The following IQSEC1 variants were observed in gnomAD, a reference collection of about 807,000 sequenced individuals.
IQSEC1 encodes the protein IQ motif and Sec7 domain ArfGEF 1.
In IQSEC1, 31 loss-of-function variants were observed where a neutral mutation model predicts 91.0. The ratio of observed to expected loss-of-function variants is 0.34; its 90% CI spans 0.26 to 0.46. IQSEC1 has a LOEUF of 0.46. IQSEC1 is among the 20% of genes least tolerant of loss of function. The probability of loss-of-function intolerance (pLI) is 1.00; values close to 1 mark genes in which losing one functional copy is unlikely to be tolerated. For synonymous variants in IQSEC1, 699 were observed against 662.6 expected (o/e 1.05, Z -0.84); for missense variants, 1,388 against 1,575.6 (o/e 0.88, Z 2.02).
chr3:13,033,516 T>C (rs1340975202), intron 1 of IQSEC1, among the ~76,000 whole-genome samples: 1 of 152,010 alleles, frequency 6.6e-6, no homozygotes, highest in East Asian at 1.9e-4. Context: ...TGCATATATA[T>C]GTATATGTAT....
intron 1 of IQSEC1, among the ~76,000 whole-genome samples, chr3:13,001,171 G>T (rs993761026): frequency 4.0e-5 from 6 of 151,888 alleles, no homozygotes; most frequent in Admixed American, 6.6e-5. Flanking sequence ...ATGTTGGCCA[G>T]GCTGGTCTCG....
chr3:13,115,261 C>A (rs547335015), intron 2 of IQSEC1, among the ~76,000 whole-genome samples: 1 of 152,256 alleles, frequency 6.6e-6, no homozygotes, highest in Admixed American at 6.5e-5. Flanking sequence ...CCCCCGCTTC[C>A]CTCCCCCGTT....
intron 1 of IQSEC1, among the ~76,000 whole-genome samples, chr3:13,048,554 G>A (rs1221856048): frequency 6.6e-6 from 1 of 152,222 alleles, no homozygotes; most frequent in Admixed American, 6.5e-5. Context: ...TGGCCACAGT[G>A]GGGTTTGACA....
At position 12,936,234 on chromosome 3, in the gene IQSEC1, C is replaced by T. The variant is rs765919597; in HGVS notation, c.782G>A (p.Arg261Gln). 22 of 1,613,026 alleles carry T rather than the reference C, an allele frequency of 1.4e-5. No homozygotes were observed. Among genetic ancestry groups the T allele is most frequent in the Non-Finnish European group, 1.8e-5 (21 of 1,180,006 alleles). ...TEEAPALDAA[R>Q]ARDTEPQTAL... ...TGTCTGGGGTTCGGTGTCCCGGGCCCGCGCCGCATCCAGGGCCGGTGCCTC... is the reference window on the plus strand; with the variant it reads ...TGTCTGGGGTTCGGTGTCCCGGGCCTGCGCCGCATCCAGGGCCGGTGCCTC... The change falls in exon 3 of 14, where the codon CGG becomes CAG. Residue 261 changes from arginine to glutamine, a missense_variant. Physicochemically the swap from Arg to Gln is conservative, Grantham distance 43. This residue lies in a region of IQSEC1 where 1,059 missense variants were observed against 1,317.8 expected (regional missense o/e 0.80). Transcript: ENST00000613206.
intron 3 of IQSEC1, among the ~76,000 whole-genome samples, chr3:12,926,940 C>T (rs534192779): frequency 4.6e-5 from 7 of 152,308 alleles, no homozygotes; most frequent in East Asian, 1.9e-4. Context: ...GGAGTGGCCC[C>T]GGTCCCTACC....
At position 12,983,038 on chromosome 3, in the gene IQSEC1, G is replaced by A. The variant is rs186917505; in HGVS notation, c.24-41173C>T. 1.3e-3 allele frequency among the ~76,000 whole-genome samples: 192 copies of A among 152,344 alleles called. 2 individuals are homozygous for A. The highest frequency in any genetic ancestry group is 3.6e-3 in the Admixed American group (55 of 15,302). The stretch of plus-strand genomic sequence containing the variant: ...GTCTGCCCTCTCTGGGTGCTTGTGC[G>A]TGGGATGGAGGGTGAGGAGTGCTAT... On this transcript the variant is annotated intron_variant, in intron 1 of 13. Coordinates refer to ENST00000613206, the MANE Select transcript of IQSEC1 (RefSeq NM_001134382.3). This position sits in a 1 kb window ranked among gnomAD's most constrained non-coding sequence, Gnocchi z 4.3.
At chr3:13,241,204 G>T (rs1030532630) in intron 1 of IQSEC1, among the ~76,000 whole-genome samples, 2 of 152,228 alleles carry the variant, frequency 1.3e-5, no homozygotes, top group African/African-American at 4.8e-5. Flanking sequence ...TTTAGTTCAT[G>T]ACCCTAAAAA....
rs866872756 is a variant in IQSEC1 at position 12,908,685 on chromosome 3, A to G, written c.2579-160T>C. The stretch of plus-strand genomic sequence containing the variant: ...AGAGGGTGTGATGGCCACCCTGGAC[A>G]AAAGAGCAGAAAGGAGATCCCAGGA... On this transcript the variant is annotated intron_variant, in intron 11 of 13. Coordinates refer to ENST00000613206, the MANE Select transcript of IQSEC1 (RefSeq NM_001134382.3). This position sits in a 1 kb window ranked among gnomAD's most constrained non-coding sequence, Gnocchi z 4.9. Among the ~76,000 whole-genome samples, 3 of 152,044 alleles carry G rather than the reference A, an allele frequency of 2.0e-5. No homozygotes were observed. In the South Asian group the frequency reaches 6.2e-4, roughly 32 times the overall value.
intron 1 of IQSEC1, among the ~76,000 whole-genome samples, chr3:12,974,972 A>T (rs1645605530): frequency 6.6e-6 from 1 of 152,236 alleles, no homozygotes; most frequent in Non-Finnish European, 1.5e-5. Flanking sequence ...GCCTGTGGGC[A>T]GCAGGCCCAG....
intron 1 of IQSEC1, among the ~76,000 whole-genome samples, chr3:13,072,040 G>C (rs1190030609): frequency 6.6e-6 from 1 of 152,242 alleles, no homozygotes; most frequent in Admixed American, 6.5e-5. Flanking sequence ...GAGGCCTTGG[G>C]GTAGCCCCCA....
rs1021053513 is a variant in IQSEC1 at position 12,900,329 on chromosome 3, A to G, written c.*654T>C. On this transcript the variant is annotated 3_prime_UTR_variant, in exon 14 of 14. Coordinates refer to ENST00000613206, the MANE Select transcript of IQSEC1 (RefSeq NM_001134382.3). ...GTTCCTAGCATTTAGGGTTTGGTCT[A>G]TTGTCTCACACACCCAGCTAAGGTA... 9.1e-6 allele frequency: 9 copies of G among 984,538 alleles called. No individual in the cohort carries two copies. The highest frequency in any genetic ancestry group is 8.8e-5 in the African/African-American group (5 of 57,116). The allele number at this position is 984,538 out of a possible 1,614,324, so 61.0% of individuals were successfully genotyped here. A position where few individuals can be genotyped will look rare whatever the true frequency, so the allele number is the denominator to read the frequency against.
In IQSEC1 at chr3:12,942,597, C is replaced by T. The variant is rs142119063; in HGVS notation, c.24-732G>A. 2.0e-3 allele frequency among the ~76,000 whole-genome samples: 300 copies of T among 150,842 alleles called. 1 individual carries two copies. Among genetic ancestry groups the T allele is most frequent in the African/African-American group, 7.1e-3 (290 of 40,718 alleles). ...CAGCCTGGGCTACAGAGCAAGACTC[C>T]GTCTCTAAAAAAAAAAAGAAAAGCC... On this transcript the variant is annotated intron_variant, in intron 1 of 13. Transcript: ENST00000613206.
intron 2 of IQSEC1, among the ~76,000 whole-genome samples, chr3:13,115,598 C>T (rs1303312923): frequency 6.6e-6 from 1 of 152,248 alleles, no homozygotes; most frequent in Non-Finnish European, 1.5e-5. Flanking sequence ...CGTTGTCTCA[C>T]TGCAGAGTCA....
upstream of IQSEC1, among the ~76,000 whole-genome samples, chr3:13,077,293 A>C (rs1391852237): frequency 6.6e-6 from 1 of 152,198 alleles, no homozygotes; most frequent in Non-Finnish European, 1.5e-5. Context: ...GAAACAGAAC[A>C]TGACGAATAT....
At chr3:13,226,415 T>G (rs1559281090) in intron 1 of IQSEC1, among the ~76,000 whole-genome samples, 1 of 152,138 alleles carries the variant, frequency 6.6e-6, no homozygotes, top group Admixed American at 6.5e-5. Context: ...ACATACTGTA[T>G]GCCAGGAATT....
At chr3:12,902,621 G>T (rs1694448230) in intron 13 of IQSEC1, 152 bp downstream of exon 13, 6 of 602,606 alleles carry the variant, frequency 1.0e-5, no homozygotes, top group Non-Finnish European at 5.8e-6. Context: ...CTGCATCTCT[G>T]TGCAGTAGGG....
intron 2 of IQSEC1, among the ~76,000 whole-genome samples, chr3:13,163,755 G>T (rs769500783): frequency 6.6e-6 from 1 of 152,154 alleles, no homozygotes; most frequent in Non-Finnish European, 1.5e-5. Context: ...AGCCCCAGGG[G>T]TGTCAGGTAT....
intron 1 of IQSEC1, among the ~76,000 whole-genome samples, chr3:13,055,643 A>G (rs1449133987): frequency 3.9e-5 from 6 of 152,210 alleles, no homozygotes; most frequent in Admixed American, 1.3e-4. Context: ...GGTAACCTCA[A>G]GTGATCCAGA....
chr3:13,267,420 C>T (rs1415156239), intron 1 of IQSEC1, among the ~76,000 whole-genome samples: 1 of 152,094 alleles, frequency 6.6e-6, no homozygotes, highest in Non-Finnish European at 1.5e-5. Context: ...ACAATAAAAA[C>T]AATCCACACA....
Sources: gnomAD v4.1 joint callset for allele counts (sites outside exome capture counted in the v4.1 genomes callset) on GRCh38, gnomAD v4.1.1 for gene constraint, gnomAD v4.1.1 regional missense constraint, Gnocchi (gnomAD v3.1) non-coding constraint, MANE v1.5 for transcripts, NCBI Gene and HGNC (gene_info 2026-07-23, HGNC 2026-07-21) for gene names.